Variants in SP110 observed in about 807,000 individuals in gnomAD.
SP110 encodes interferon-induced protein 41, 30kD.
In SP110, 62 loss-of-function variants were observed where a neutral mutation model predicts 92.7. The ratio of observed to expected loss-of-function variants is 0.67; its 90% CI spans 0.55 to 0.83. The LOEUF is 0.83. Among genes scored for constraint, SP110 ranks in the 40% least tolerant of loss-of-function variants. The pLI, the probability that SP110 is intolerant of heterozygous loss-of-function variation, is 0.00. For missense variants in SP110, 793 were observed against 863.9 expected, an observed-to-expected ratio of 0.92 and a Z score of 1.03; for synonymous variants, 273 against 305.3, an observed-to-expected ratio of 0.89 and a Z score of 1.10.
Position 230,209,808 on chromosome 2 carries a change from G to A in SP110, c.829+123C>T, listed in dbSNP as rs530367649. The A allele has an allele frequency of 1.0e-4, 74 of 735,160 alleles. No individual in the cohort carries two copies. The East Asian group carries it at 1.1e-3, about 11-fold the overall frequency. The allele number at this position is 735,160 out of a possible 1,614,324, so 45.5% of individuals were successfully genotyped here. A position where few individuals can be genotyped will look rare whatever the true frequency, so the allele number is the denominator to read the frequency against. On this transcript the variant is annotated intron_variant, in intron 7 of 18. Coordinates refer to ENST00000258381, the MANE Select transcript of SP110 (RefSeq NM_080424.4). The stretch of plus-strand genomic sequence containing the variant: ...TGCAGCAAATGGAAACTGCAGAAAC[G>A]AACTGTGTGTGGCATCAGGACTGTG...
upstream of SP110, among the ~76,000 whole-genome samples, chr2:230,224,651 T>G (rs2046117291): frequency 6.6e-6 from 1 of 152,174 alleles, no homozygotes; most frequent in African/African-American, 2.4e-5. Flanking sequence ...GGGTAGAAAT[T>G]TCTTGCACTC....
At chr2:230,174,414 GA>G (rs2041757311) in intron 14 of SP110, among the ~76,000 whole-genome samples, 1 of 152,274 alleles carries the variant, frequency 6.6e-6, no homozygotes, top group South Asian at 2.1e-4. Flanking sequence ...AAAGGTTCTA[GA>G]ATCTGTCAAA....
intron 11 of SP110, among the ~76,000 whole-genome samples, 172 bp downstream of exon 11, chr2:230,185,811 GAGAACACTTCT>G (rs2042328901): frequency 6.6e-6 from 1 of 152,170 alleles, no homozygotes; most frequent in Admixed American, 6.5e-5. Context: ...ACTGCACCCT[GAGAACACTTCT>G]TCCAACAACC....
chr2:230,192,570 C>A (rs1200684503), intron 10 of SP110, among the ~76,000 whole-genome samples: 1 of 152,100 alleles, frequency 6.6e-6, no homozygotes, highest in Non-Finnish European at 1.5e-5. Context: ...AGGAATACAG[C>A]TAACAGAGGA....
intron 14 of SP110, among the ~76,000 whole-genome samples, chr2:230,175,966 C>T (rs2041841052): frequency 1.4e-5 from 1 of 73,366 alleles, no homozygotes; most frequent in African/African-American, 4.0e-5. Flanking sequence ...TTTTCTGAGA[C>T]AGGGTCTTGC....
intron 14 of SP110, chr2:230,176,716 A>G: frequency 6.2e-7 from 1 of 1,614,102 alleles, no homozygotes; most frequent in Non-Finnish European, 8.5e-7. Flanking sequence ...GACAGAGCAA[A>G]AGTCCACTCT....
At chr2:230,173,233 G>T (rs1028714723) in intron 14 of SP110, 2 of 415,342 alleles carry the variant, frequency 4.8e-6, no homozygotes. Flanking sequence ...CTGTGCTGCT[G>T]CCTGCTGGCA....
upstream of SP110, among the ~76,000 whole-genome samples, chr2:230,224,515 CAGAG>C (rs879416639): frequency 1.9e-4 from 26 of 139,890 alleles, no homozygotes; most frequent in Admixed American, 2.8e-4. Context: ...AGAGAGAGGA[CAGAG>C]AGAGAGAGAG....
upstream of SP110, chr2:230,220,006 G>T: frequency 6.1e-6 from 6 of 985,624 alleles, no homozygotes; most frequent in Non-Finnish European, 6.0e-6. Context: ...CGCAGTAAGG[G>T]GCCGGGCTTC....
In SP110 at chr2:230,172,753, G is replaced by A. The variant is rs564584507; in HGVS notation, c.1706+91C>T. 86 of 844,634 alleles carry A rather than the reference G, an allele frequency of 1.0e-4. No homozygotes were observed. In the Middle Eastern group the frequency reaches 1.2e-3, roughly 12 times the overall value. 52.3% of individuals were successfully genotyped at this position (844,634 alleles called of 1,614,324 possible). On this transcript the variant is annotated intron_variant, in intron 15 of 18. Transcript: ENST00000258381. ...AGTCTCTGGCACCAGACTGCTCTGC[G>A]TCACACCCTCGTCCCCGACGCTCAC...
At chr2:230,202,965 A>G in intron 8 of SP110, 1 of 555,032 alleles carries the variant, frequency 1.8e-6, no homozygotes, top group South Asian at 2.1e-5. Flanking sequence ...ACCTGTTGCA[A>G]TCAACTAGAT....
rs142958766 is a variant in SP110 at position 230,212,612 on chromosome 2, T to C, written c.583+149A>G. On this transcript the variant is annotated intron_variant, in intron 4 of 18. Coordinates refer to ENST00000258381, the MANE Select transcript of SP110 (RefSeq NM_080424.4). Reference sequence around the variant, plus strand: ...CTTACCCACCCCCCGGCAGTGCTCATAATCCCTCTTGAAAAGGGTTGTGTT... The same window carrying C: ...CTTACCCACCCCCCGGCAGTGCTCACAATCCCTCTTGAAAAGGGTTGTGTT... The C allele has an allele frequency of 5.6e-5, 67 of 1,186,760 alleles. No homozygotes were observed. The African/African-American group carries it at 8.8e-4, about 16-fold the overall frequency. The allele number at this position is 1,186,760 out of a possible 1,614,324, so 73.5% of individuals were successfully genotyped here.
chr2:230,200,169 C>T (rs1239767435), intron 10 of SP110, among the ~76,000 whole-genome samples: 1 of 152,002 alleles, frequency 6.6e-6, no homozygotes, highest in Non-Finnish European at 1.5e-5. Context: ...TTTTTCCTGA[C>T]AATAATTAGA....
At chr2:230,212,313 T>G (rs769648712) in intron 5 of SP110, 34 bp downstream of exon 5, 500 of 1,503,258 alleles carry the variant, frequency 3.3e-4, no homozygotes, top group Non-Finnish European at 4.2e-4. Context: ...ACAGTCACCT[T>G]GAGCTAAGCG....
Position 230,190,803 on chromosome 2 carries a change from T to C in SP110, c.1130-4660A>G, listed in dbSNP as rs561936427. On this transcript the variant is annotated intron_variant, in intron 10 of 18. Transcript: ENST00000258381. Reference sequence around the variant, plus strand: ...TAGCCAGTTTTCCTGGCACCATTTATTAAATGGGGAATCCTTTTGCCATTG... The same window carrying C: ...TAGCCAGTTTTCCTGGCACCATTTACTAAATGGGGAATCCTTTTGCCATTG... Among the ~76,000 whole-genome samples the C allele has an allele frequency of 2.3e-3, 347 of 152,354 alleles. 2 individuals are homozygous for C. The highest frequency in any genetic ancestry group is 7.3e-3 in the African/African-American group (305 of 41,592).
Position 230,172,087 on chromosome 2 carries a change from C to T in SP110, c.1794G>A (p.Gln598=), listed in dbSNP as rs2078459232. ...CHHVSKTLER[Q]MQPQDQLKCE... ...TCACCAGCTGGTCCTGAGGCTGCAT[C>T]TGCCTCTCCAGGGTCTTAGATACAT... Residue 598 remains glutamine, a synonymous_variant, in exon 16 of 19, where the codon CAG becomes CAA. Transcript: ENST00000258381. 11 of 1,610,200 alleles carry T rather than the reference C, an allele frequency of 6.8e-6. No homozygotes were observed. The highest frequency in any genetic ancestry group is 9.4e-6 in the Non-Finnish European group (11 of 1,176,404).
intron 8 of SP110, among the ~76,000 whole-genome samples, chr2:230,204,618 T>G (rs905013074): frequency 3.3e-5 from 5 of 151,220 alleles, no homozygotes; most frequent in African/African-American, 1.2e-4. Context: ...TTTTTTTCAT[T>G]AAAAAAAAAT....
rs35807015 is a variant in SP110, at chr2:230,199,205, C to CTTT, written c.1129+1677_1129+1679dup. ...CTGTCACACACAGCAACATAATCCT[C>CTTT]TTTTTTTTTTTTTTTTTTTTTGAGA... On this transcript the variant is annotated intron_variant, in intron 10 of 18. Coordinates refer to ENST00000258381, the MANE Select transcript of SP110 (RefSeq NM_080424.4). Among the ~76,000 whole-genome samples the CTTT allele has an allele frequency of 3.8e-3, 343 of 89,446 alleles. 5 individuals carry two copies. The highest frequency in any genetic ancestry group is 0.012 in the East Asian group (32 of 2,650). The allele number at this position is 89,446 out of a possible 152,430, so 58.7% of individuals were successfully genotyped here.
Position 230,211,604 on chromosome 2 carries a change from C to T in SP110, c.668-51G>A, listed in dbSNP as rs1382224953. ...GATCTCAGGAACAGCAAGCAGGGAC[C>T]AGAATGAGGAGAAAAGAGAATGCTC... On this transcript the variant is annotated intron_variant, in intron 5 of 18. Coordinates refer to ENST00000258381, the MANE Select transcript of SP110 (RefSeq NM_080424.4). This position sits in a 1 kb window ranked among gnomAD's most constrained non-coding sequence, Gnocchi z 4.2. 1 of 1,079,084 alleles carries T rather than the reference C, an allele frequency of 9.3e-7. No homozygotes were observed. The highest frequency in any genetic ancestry group is 1.4e-6 in the Non-Finnish European group (1 of 691,844). 66.8% of individuals were successfully genotyped at this position (1,079,084 alleles called of 1,614,324 possible).
Sources: allele counts gnomAD v4.1 joint callset (sites outside exome capture counted in the v4.1 genomes callset), GRCh38; gene constraint gnomAD v4.1.1; non-coding constraint Gnocchi (gnomAD v3.1); transcripts MANE v1.5; gene names NCBI Gene and HGNC (gene_info 2026-07-23, HGNC 2026-07-21).